The following EPN2 variants were observed in gnomAD, a reference collection of about 807,000 sequenced individuals.
EPN2 encodes epsin 2.
In EPN2, 34 loss-of-function variants were observed where a neutral mutation model predicts 61.7. The observed-to-expected ratio is 0.55, with a 90% CI of 0.42 to 0.73. EPN2 has a LOEUF of 0.73. EPN2 is among the 30% of genes least tolerant of loss of function. The probability of loss-of-function intolerance (pLI) is 0.00; values close to 1 mark genes in which losing one functional copy is unlikely to be tolerated. For synonymous variants in EPN2, 349 were observed against 353.6 expected (o/e 0.99, Z 0.15); for missense variants, 714 against 839.2 (o/e 0.85, Z 1.84).
At chr17:19,250,869 C>G (rs947899766) in intron 1 of EPN2, among the ~76,000 whole-genome samples, 1 of 148,486 alleles carries the variant, frequency 6.7e-6, no homozygotes, top group African/African-American at 2.5e-5. Context: ...CTTACTGCCT[C>G]TATACCCTTT....
chr17:19,281,453 C>T (rs1250168565), intron 1 of EPN2, among the ~76,000 whole-genome samples: 3 of 152,200 alleles, frequency 2.0e-5, no homozygotes, highest in Non-Finnish European at 2.9e-5. Flanking sequence ...GATGAGTAGT[C>T]ATTGCATTTC....
intron 8 of EPN2, 109 bp from the exon 9 acceptor site, chr17:19,329,452 C>T (rs1431199886): frequency 3.2e-5 from 21 of 658,958 alleles, no homozygotes; most frequent in Admixed American, 7.6e-5. Flanking sequence ...GTAGGGTAAG[C>T]GGGGAGAGGC....
At chr17:19,279,207 A>G (rs1167307209) in intron 1 of EPN2, among the ~76,000 whole-genome samples, 1 of 152,164 alleles carries the variant, frequency 6.6e-6, no homozygotes, top group East Asian at 1.9e-4. Context: ...TTCCTTTCCC[A>G]GCTTATGTCT....
At chr17:19,238,429 G>C (rs2044843519) in intron 1 of EPN2, among the ~76,000 whole-genome samples, 1 of 152,180 alleles carries the variant, frequency 6.6e-6, no homozygotes, top group Non-Finnish European at 1.5e-5. Flanking sequence ...GGCAGCTTGA[G>C]CTCCCTGTGA....
chr17:19,270,854 TG>T (rs1286466292), intron 1 of EPN2, among the ~76,000 whole-genome samples: 3 of 152,166 alleles, frequency 2.0e-5, no homozygotes, highest in Non-Finnish European at 4.4e-5. Context: ...CGGCAGGTGC[TG>T]GTTCGTGTGG....
intron 1 of EPN2, chr17:19,276,501 T>G (rs1409668243): frequency 6.7e-6 from 1 of 148,388 alleles, no homozygotes; most frequent in Non-Finnish European, 1.5e-5. Context: ...CGTGAGCCAC[T>G]GCACCTGGCC....
At chr17:19,256,086 C>T (rs1185683601) in intron 1 of EPN2, among the ~76,000 whole-genome samples, 7 of 151,794 alleles carry the variant, frequency 4.6e-5, no homozygotes, top group Non-Finnish European at 7.4e-5. Flanking sequence ...TACAGGTGCC[C>T]GCCACCACGC....
At chr17:19,279,076 C>G (rs1051866630) in intron 1 of EPN2, among the ~76,000 whole-genome samples, 2 of 152,106 alleles carry the variant, frequency 1.3e-5, no homozygotes, top group Non-Finnish European at 2.9e-5. Context: ...ATTTTATTAG[C>G]TTTTTCCTTT....
intron 4 of EPN2, among the ~76,000 whole-genome samples, chr17:19,293,108 G>T (rs2152222205): frequency 6.6e-6 from 1 of 152,244 alleles, no homozygotes; most frequent in East Asian, 1.9e-4. Context: ...GCTGGGCAGG[G>T]TGGCTCACGC....
At chr17:19,323,429 G>C (rs1906732926) in intron 7 of EPN2, among the ~76,000 whole-genome samples, 1 of 152,212 alleles carries the variant, frequency 6.6e-6, no homozygotes, top group Non-Finnish European at 1.5e-5. Context: ...ATTTTGGAAA[G>C]ATGCTCCTTC....
intron 1 of EPN2, among the ~76,000 whole-genome samples, chr17:19,258,248 G>T (rs146876467): frequency 1.8e-4 from 27 of 152,302 alleles, no homozygotes; most frequent in African/African-American, 6.5e-4. Context: ...AAAACTGCTA[G>T]CCCTGTGTGC....
chr17:19,246,381 T>C (rs148661112), intron 1 of EPN2, among the ~76,000 whole-genome samples: 2 of 152,212 alleles, frequency 1.3e-5, no homozygotes, highest in East Asian at 3.9e-4. Context: ...AATAATTCCA[T>C]GTGAAGTATG....
intron 5 of EPN2, among the ~76,000 whole-genome samples, chr17:19,310,490 G>A (rs1434902293): frequency 6.7e-6 from 1 of 149,748 alleles, no homozygotes; most frequent in Non-Finnish European, 1.5e-5. Context: ...GATGATGGAA[G>A]TATGTATAGT....
At chr17:19,275,344 T>C (rs1322163225) in intron 1 of EPN2, among the ~76,000 whole-genome samples, 1 of 152,242 alleles carries the variant, frequency 6.6e-6, no homozygotes, top group African/African-American at 2.4e-5. Context: ...TGCTGTAGGT[T>C]ACAGCATGAG....
At chr17:19,238,613 T>C (rs541645535) in intron 1 of EPN2, among the ~76,000 whole-genome samples, 28 of 152,292 alleles carry the variant, frequency 1.8e-4, no homozygotes, top group African/African-American at 6.7e-4. Context: ...AGAACTGCAG[T>C]AATTTGCCCA....
intron 1 of EPN2, among the ~76,000 whole-genome samples, chr17:19,278,455 A>G (rs982384814): frequency 3.3e-5 from 5 of 152,198 alleles, no homozygotes; most frequent in Non-Finnish European, 7.3e-5. Flanking sequence ...GAAGAAGCAA[A>G]AATGCAAACC....
At chr17:19,304,952 A>T (rs553549177) in intron 4 of EPN2, among the ~76,000 whole-genome samples, 1 of 152,244 alleles carries the variant, frequency 6.6e-6, no homozygotes, top group African/African-American at 2.4e-5. Context: ...TGTACCCAGC[A>T]TTGCCACACC....
intron 8 of EPN2, chr17:19,329,168 C>T: frequency 2.2e-6 from 1 of 457,200 alleles, no homozygotes; most frequent in East Asian, 3.6e-5. Flanking sequence ...GCCTGTGGGT[C>T]CTGTCCTCAC....
chr17:19,258,768 A>G (rs1026910524), intron 1 of EPN2, among the ~76,000 whole-genome samples: 3 of 152,200 alleles, frequency 2.0e-5, no homozygotes, highest in Non-Finnish European at 4.4e-5. Context: ...CAGGGTTCCC[A>G]CACAGGGAAA....
Sources: gnomAD v4.1 joint callset for allele counts (sites outside exome capture counted in the v4.1 genomes callset) on GRCh38, gnomAD v4.1.1 for gene constraint, MANE v1.5 for transcripts, NCBI Gene and HGNC (gene_info 2026-07-23, HGNC 2026-07-21) for gene names.